ANKRD30B: variants seen among roughly 807,000 people sequenced by gnomAD.
ANKRD30B encodes ankyrin repeat domain 30B, also known as ankyrin repeat domain-containing protein 30B.
Under a neutral mutation model 202.2 loss-of-function variants are expected in ANKRD30B, and 144 were observed. The ratio of observed to expected loss-of-function variants is 0.71; its 90% confidence interval spans 0.62 to 0.82. The LOEUF (loss-of-function observed/expected upper bound fraction) is 0.82, where lower values mean the gene tolerates loss of function less well. Ranked by LOEUF, ANKRD30B falls within the 40% of genes least tolerant of loss-of-function variation. ANKRD30B has a pLI of 0.00. For missense variants in ANKRD30B, 1,487 were observed against 1,669.1 expected (o/e 0.89, Z 1.90); for synonymous variants, 508 against 561.3 (o/e 0.91, Z 1.34).
At chr18:14,757,370 AGT>A (rs1222937119) in intron 4 of ANKRD30B, among the ~76,000 whole-genome samples, 1 of 152,216 alleles carries the variant, frequency 6.6e-6, no homozygotes, top group Non-Finnish European at 1.5e-5. Context: ...CATTTAATTC[AGT>A]GTCTCATACA....
chr18:14,816,776 G>A (rs1348385745), intron 30 of ANKRD30B: 6 of 151,946 alleles, frequency 3.9e-5, no homozygotes, highest in South Asian at 2.1e-4. Flanking sequence ...GGAACACTAC[G>A]CAGCCATAAA....
chr18:14,758,018 A>G, intron 5 of ANKRD30B, 66 bp downstream of exon 5: 2 of 1,502,104 alleles, frequency 1.3e-6, no homozygotes, highest in South Asian at 2.6e-5. Context: ...TTTGAAAGAC[A>G]GTGACTTAGT....
intron 9 of ANKRD30B, among the ~76,000 whole-genome samples, chr18:14,774,226 A>C (rs1967209524): frequency 6.6e-6 from 1 of 152,154 alleles, no homozygotes; most frequent in Non-Finnish European, 1.5e-5. Flanking sequence ...CATTATAGGA[A>C]TATATTATGA....
the ANKRD30B span, among the ~76,000 whole-genome samples, chr18:14,884,289 G>A: frequency 1.3e-5 from 2 of 150,570 alleles, no homozygotes; most frequent in African/African-American, 4.9e-5. Flanking sequence ...CAGCCAGTGA[G>A]GATCTAAGGT....
At chr18:14,845,775 A>G (rs1418011942) in intron 39 of ANKRD30B, among the ~76,000 whole-genome samples, 14 of 152,226 alleles carry the variant, frequency 9.2e-5, no homozygotes, top group Non-Finnish European at 1.5e-5. Flanking sequence ...TCAAGTTATC[A>G]TCAGATTTGA....
the ANKRD30B span, among the ~76,000 whole-genome samples, chr18:14,908,603 C>G: frequency 2.0e-5 from 3 of 152,208 alleles, no homozygotes; most frequent in African/African-American, 7.2e-5. Flanking sequence ...TGTTCGTGTG[C>G]TTTACTTTCT....
At position 14,778,039 on chromosome 18, in the gene ANKRD30B, C is replaced by G; in HGVS notation, c.1384C>G (p.Gln462Glu). 6.5e-7 allele frequency: 1 copy of G among 1,548,954 alleles called. No individual in the cohort carries two copies. The highest frequency in any genetic ancestry group is 1.2e-5 in the South Asian group (1 of 83,934). ...TACGTGTTTACCTGATGCTACATAT[C>G]AAAAAGATATCAAAACAATAAATCA... The part of the protein sequence containing the change: ...NYTCLPDATY[Q>E]KDIKTINHKI... Residue 462 changes from glutamine (Q) to glutamate (E), a missense_variant, in exon 10 of 44, where the codon CAA becomes GAA. Gln to Glu is a conservative substitution (Grantham distance 29). Transcript: ENST00000690538.
At chr18:14,847,050 TTATATATA>T (rs56871571) in intron 39 of ANKRD30B, among the ~76,000 whole-genome samples, 1,871 of 110,968 alleles carry the variant, frequency 0.017, 23 homozygotes, top group Middle Eastern at 0.023. Flanking sequence ...TGATTTAGTT[TTATATATA>T]TATATATATA....
the ANKRD30B span, among the ~76,000 whole-genome samples, chr18:14,921,320 T>C: frequency 2.4e-4 from 29 of 121,650 alleles, no homozygotes; most frequent in Middle Eastern, 5.1e-3. Context: ...CCAGCAGAGG[T>C]GGAGAGGGCA....
chr18:14,794,192 T>TA (rs1302658593), intron 16 of ANKRD30B, among the ~76,000 whole-genome samples: 6 of 151,904 alleles, frequency 3.9e-5, no homozygotes, highest in Non-Finnish European at 7.4e-5. Flanking sequence ...AAAAGTAATT[T>TA]AAAAAAATAA....
intron 32 of ANKRD30B, among the ~76,000 whole-genome samples, chr18:14,826,574 T>C (rs1248182992): frequency 6.6e-6 from 1 of 151,912 alleles, no homozygotes; most frequent in Non-Finnish European, 1.5e-5. Flanking sequence ...TTTTCCAGAA[T>C]TGTCAAAACC....
At chr18:14,834,399 A>G (rs1239425127) in intron 34 of ANKRD30B, among the ~76,000 whole-genome samples, 2 of 152,126 alleles carry the variant, frequency 1.3e-5, no homozygotes, top group Admixed American at 6.5e-5. Flanking sequence ...GAAGAAGGGT[A>G]AGATAAACAC....
the ANKRD30B span, among the ~76,000 whole-genome samples, chr18:14,904,315 G>A: frequency 1.3e-5 from 2 of 152,242 alleles, no homozygotes; most frequent in South Asian, 4.1e-4. Flanking sequence ...TCTGAGGCTT[G>A]ATGGGAATGA....
intron 11 of ANKRD30B, among the ~76,000 whole-genome samples, chr18:14,780,518 C>T (rs753545053): frequency 1.3e-5 from 2 of 151,758 alleles, no homozygotes; most frequent in Non-Finnish European, 2.9e-5. Flanking sequence ...TACTAATTTG[C>T]AGAATGAGTT....
intron 25 of ANKRD30B, 26 bp from the exon 26 acceptor site, chr18:14,808,646 A>C: frequency 6.4e-7 from 1 of 1,552,112 alleles, no homozygotes; most frequent in Non-Finnish European, 8.7e-7. Flanking sequence ...TTATATATTA[A>C]TTTTTGTGTT....
At position 14,761,285 on chromosome 18, in the gene ANKRD30B, G is replaced by A. The variant is rs190437395; in HGVS notation, c.820+667G>A. 7.9e-4 allele frequency among the ~76,000 whole-genome samples: 120 copies of A among 152,274 alleles called. 2 individuals are homozygous for A. The highest frequency in any genetic ancestry group is 3.2e-4 in the Non-Finnish European group (22 of 68,032). On this transcript the variant is annotated intron_variant, in intron 6 of 43. Coordinates refer to ENST00000690538, the MANE Select transcript of ANKRD30B (RefSeq NM_001367607.2). ...AGTGAAAGAGCAGCAAGGGTTCCGA[G>A]CCCATTACAGACACCAAGGAAGGTG...
At chr18:14,853,247 T>C (rs1232963693) in intron 42 of ANKRD30B, among the ~76,000 whole-genome samples, 2 of 152,118 alleles carry the variant, frequency 1.3e-5, no homozygotes. Context: ...TAGCTTTGCA[T>C]TGGATCCCCA....
intron 39 of ANKRD30B, among the ~76,000 whole-genome samples, chr18:14,846,065 C>G (rs1971624124): frequency 2.4e-5 from 1 of 42,528 alleles, no homozygotes; most frequent in Non-Finnish European, 5.6e-5. Context: ...GATTTACTTT[C>G]TTATTTTTTT....
At chr18:14,790,972 G>T (rs961384004) in intron 15 of ANKRD30B, among the ~76,000 whole-genome samples, 1 of 152,168 alleles carries the variant, frequency 6.6e-6, no homozygotes, top group Non-Finnish European at 1.5e-5. Context: ...AATGGTACCA[G>T]TTCCTCCTTA....
Sources: allele counts gnomAD v4.1 joint callset (sites outside exome capture counted in the v4.1 genomes callset), GRCh38; gene constraint gnomAD v4.1.1; transcripts MANE v1.5; gene names NCBI Gene and HGNC (gene_info 2026-07-23, HGNC 2026-07-21).